SPAG6: variants seen among roughly 807,000 people sequenced by gnomAD.
SPAG6 encodes the protein sperm associated antigen 6, also known as sperm-associated antigen 6.
Under a neutral mutation model 58.5 loss-of-function variants are expected in SPAG6, and 49 were observed. The observed-to-expected ratio is 0.84, with a 90% CI of 0.67 to 1.06. The LOEUF (loss-of-function observed/expected upper bound fraction) is 1.06, where lower values mean the gene tolerates loss of function less well. SPAG6 is among the 50% of genes least tolerant of loss of function. SPAG6 has a pLI of 0.00. For synonymous variants in SPAG6, 233 were observed against 225.6 expected (o/e 1.03, Z -0.29); for missense variants, 560 against 611.3 (o/e 0.92, Z 0.89).
chr10:22,369,982 A>G (rs113258603), intron 4 of SPAG6, among the ~76,000 whole-genome samples: 3 of 152,234 alleles, frequency 2.0e-5, no homozygotes, highest in Non-Finnish European at 4.4e-5. Context: ...TTATTATAGC[A>G]TGATTTGTAA....
rs886679860 is a variant in SPAG6, at chr10:22,413,647, A to G, written c.1460+2471A>G. ...TCATTTTTAAAATTGGCTAATTATTATAAAGAATTTTGGTTACCTGACTAA... is the reference window on the plus strand; with the variant it reads ...TCATTTTTAAAATTGGCTAATTATTGTAAAGAATTTTGGTTACCTGACTAA... On this transcript the variant is annotated intron_variant, in intron 10 of 10. Transcript: ENST00000376624. 4.6e-5 allele frequency among the ~76,000 whole-genome samples: 7 copies of G among 150,764 alleles called. No homozygotes were observed. In the East Asian group the frequency reaches 1.4e-3, roughly 29 times the overall value.
intron 9 of SPAG6, among the ~76,000 whole-genome samples, chr10:22,402,520 A>G (rs942541727): frequency 6.6e-6 from 1 of 152,254 alleles, no homozygotes; most frequent in Non-Finnish European, 1.5e-5. Flanking sequence ...GACCTCCAAC[A>G]GTATGACTGG....
At chr10:22,388,455 C>T (rs773065884) in intron 6 of SPAG6, among the ~76,000 whole-genome samples, 1 of 152,072 alleles carries the variant, frequency 6.6e-6, no homozygotes, top group Non-Finnish European at 1.5e-5. Context: ...AGTGAGAACA[C>T]TATTATAGCT....
At chr10:22,352,077 C>T (rs1040196975) in intron 2 of SPAG6, among the ~76,000 whole-genome samples, 36 of 151,894 alleles carry the variant, frequency 2.4e-4, no homozygotes, top group African/African-American at 8.5e-4. Flanking sequence ...AGGAGAATGG[C>T]GTGAATTTCG....
intron 5 of SPAG6, 38 bp downstream of exon 5, chr10:22,386,997 T>C: frequency 6.7e-7 from 1 of 1,499,142 alleles, no homozygotes; most frequent in Non-Finnish European, 9.3e-7. Flanking sequence ...ATCAGCCTTC[T>C]TATAATGTAA....
chr10:22,367,863 G>A (rs1196324039), intron 3 of SPAG6, among the ~76,000 whole-genome samples: 6 of 151,700 alleles, frequency 4.0e-5, no homozygotes. Context: ...TAAAAAAAAA[G>A]CATTTCTAGA....
intron 10 of SPAG6, among the ~76,000 whole-genome samples, chr10:22,414,726 T>G (rs1834827684): frequency 6.6e-6 from 1 of 152,204 alleles, no homozygotes; most frequent in Non-Finnish European, 1.5e-5. Flanking sequence ...CACTTGCAAA[T>G]TTTATGTAAT....
intron 9 of SPAG6, among the ~76,000 whole-genome samples, chr10:22,402,749 T>G (rs1834445348): frequency 6.6e-6 from 1 of 152,184 alleles, no homozygotes; most frequent in Non-Finnish European, 1.5e-5. Context: ...AAAGACTAAA[T>G]TACTGCAAGG....
chr10:22,364,954 C>A lies in SPAG6; in HGVS notation c.223C>A (p.Leu75Ile), dbSNP rs761004602. Residue 75 changes from leucine to isoleucine, a missense_variant, in exon 3 of 11, where the codon CTA becomes ATA. By Grantham distance (5) the Leu-to-Ile change is conservative. Coordinates refer to ENST00000376624, the MANE Select transcript of SPAG6 (RefSeq NM_012443.4). ...LGRLANYNDD[L>I]AEAVVKCDIL... ...GAGACTGGCCAATTATAATGATGAC[C>A]TAGCAGAAGCTGTTGTGAAGTGCGA... 1.2e-6 allele frequency: 2 copies of A among 1,613,232 alleles called. No homozygotes were observed. Among genetic ancestry groups the A allele is most frequent in the Non-Finnish European group, 1.7e-6 (2 of 1,179,434 alleles).
intron 4 of SPAG6, among the ~76,000 whole-genome samples, chr10:22,374,113 T>A (rs1005239479): frequency 2.6e-5 from 4 of 152,118 alleles, no homozygotes; most frequent in Non-Finnish European, 5.9e-5. Context: ...ATCTTCTAAT[T>A]TTTTTTAACT....
At chr10:22,402,637 C>G (rs1474494806) in intron 9 of SPAG6, among the ~76,000 whole-genome samples, 2 of 152,194 alleles carry the variant, frequency 1.3e-5, no homozygotes, top group African/African-American at 4.8e-5. Context: ...CTTTCTTCCT[C>G]CTTCCAATAA....
chr10:22,395,867 T>C (rs1170807456), intron 8 of SPAG6, among the ~76,000 whole-genome samples: 1 of 152,210 alleles, frequency 6.6e-6, no homozygotes, highest in Non-Finnish European at 1.5e-5. Context: ...AGAACAAAAA[T>C]AACTTTCTGA....
intron 4 of SPAG6, among the ~76,000 whole-genome samples, chr10:22,383,158 C>A (rs542688992): frequency 6.6e-6 from 1 of 152,264 alleles, no homozygotes; most frequent in South Asian, 2.1e-4. Context: ...TTTTGGTCAA[C>A]CTTTTTTGAG....
intron 4 of SPAG6, among the ~76,000 whole-genome samples, chr10:22,377,902 G>C (rs2132067714): frequency 6.6e-6 from 1 of 152,284 alleles, no homozygotes; most frequent in East Asian, 1.9e-4. Flanking sequence ...GGAGCAAGGA[G>C]TGAATACCTT....
At chr10:22,379,113 A>G (rs1833891980) in intron 4 of SPAG6, among the ~76,000 whole-genome samples, 1 of 152,212 alleles carries the variant, frequency 6.6e-6, no homozygotes, top group Non-Finnish European at 1.5e-5. Context: ...GTGAGAAATA[A>G]AAATCACTCG....
chr10:22,390,545 T>G (rs1020244860), intron 7 of SPAG6, among the ~76,000 whole-genome samples: 2 of 152,236 alleles, frequency 1.3e-5, no homozygotes, highest in African/African-American at 2.4e-5. Flanking sequence ...AGACTAACAA[T>G]AATACTTTAC....
chr10:22,406,778 C>T (rs1478935179), intron 9 of SPAG6, among the ~76,000 whole-genome samples: 1 of 152,030 alleles, frequency 6.6e-6, no homozygotes, highest in Non-Finnish European at 1.5e-5. Flanking sequence ...GTCTAAGTCT[C>T]TTTGTAGGTC....
chr10:22,393,793 GTGTAGAATAAAAGTCCAT>G (rs1451820970), intron 8 of SPAG6, among the ~76,000 whole-genome samples: 1 of 152,082 alleles, frequency 6.6e-6, no homozygotes, highest in Non-Finnish European at 1.5e-5. Flanking sequence ...ATTTTAAAGG[GTGTAGAATAAAAGTCCAT>G]TCAAGCCTGT....
intron 8 of SPAG6, among the ~76,000 whole-genome samples, chr10:22,398,185 T>A (rs1834337973): frequency 6.6e-6 from 1 of 152,228 alleles, no homozygotes; most frequent in South Asian, 2.1e-4. Flanking sequence ...GATGGGACAA[T>A]TGTATCCTCA....
Sources: gnomAD v4.1 joint callset for allele counts (sites outside exome capture counted in the v4.1 genomes callset) on GRCh38, gnomAD v4.1.1 for gene constraint, MANE v1.5 for transcripts, NCBI Gene and HGNC (gene_info 2026-07-23, HGNC 2026-07-21) for gene names.